The following SSBP2 variants were observed in gnomAD, a reference collection of about 807,000 sequenced individuals.
SSBP2 encodes single-stranded DNA-binding protein 2.
In SSBP2, 17 loss-of-function variants were observed where a neutral mutation model predicts 61.8. That is an observed-to-expected ratio of 0.28 (90% CI 0.19 to 0.41). The LOEUF is 0.41. Ranked by LOEUF, SSBP2 falls within the 10% of genes least tolerant of loss-of-function variation. The pLI is 1.00. For synonymous variants in SSBP2, 139 were observed against 141.3 expected (o/e 0.98, Z 0.12); for missense variants, 310 against 458.7 (o/e 0.68, Z 2.96).
intron 9 of SSBP2, among the ~76,000 whole-genome samples, chr5:81,461,822 A>T (rs1256239517): frequency 6.6e-6 from 1 of 152,166 alleles, no homozygotes; most frequent in Non-Finnish European, 1.5e-5. Context: ...GCTTCTAAGG[A>T]CACTGAGTTT....
chr5:81,461,551 A>T (rs1764543195), intron 9 of SSBP2, among the ~76,000 whole-genome samples: 1 of 151,746 alleles, frequency 6.6e-6, no homozygotes, highest in Non-Finnish European at 1.5e-5. Context: ...CTTAAGCTAT[A>T]AGCAAATAAA....
In SSBP2 at chr5:81,650,279, T is replaced by C. The variant is rs775716373; in HGVS notation, c.123A>G (p.Thr41=). 2.3e-5 allele frequency: 37 copies of C among 1,587,148 alleles called. No individual in the cohort carries two copies. Among genetic ancestry groups the C allele is most frequent in the South Asian group, 2.3e-5 (2 of 86,428 alleles). Residue 41 remains threonine (T), a synonymous_variant, in exon 2 of 17, where the codon ACA becomes ACG. Transcript: ENST00000320672. ...ATATAAAACATACCTCTGATAAAAA[T>C]GTTTGAGCTGATTTCTGAGCTCCTA...
chr5:81,591,024 C>A (rs949138060), intron 4 of SSBP2, among the ~76,000 whole-genome samples: 19 of 152,192 alleles, frequency 1.2e-4, no homozygotes, highest in African/African-American at 4.3e-4. Flanking sequence ...TGCTACCAGG[C>A]TGGTAAGCAT....
At chr5:81,645,656 A>G (rs1749178794) in intron 2 of SSBP2, among the ~76,000 whole-genome samples, 1 of 152,236 alleles carries the variant, frequency 6.6e-6, no homozygotes, top group Admixed American at 6.5e-5. Context: ...AAGTAACAAA[A>G]GTTAATGTAG....
At chr5:81,540,112 T>A (rs1771143163) in intron 4 of SSBP2, among the ~76,000 whole-genome samples, 1 of 152,154 alleles carries the variant, frequency 6.6e-6, no homozygotes, top group Non-Finnish European at 1.5e-5. Flanking sequence ...ATGGTGTATA[T>A]GTGCCACATT....
At chr5:81,620,549 A>G (rs768670578) in intron 3 of SSBP2, among the ~76,000 whole-genome samples, 1 of 94,552 alleles carries the variant, frequency 1.1e-5, no homozygotes, top group Non-Finnish European at 2.1e-5. Context: ...TTACAGATTC[A>G]ATGCCATCCC....
At chr5:81,550,913 G>A (rs771045738) in intron 4 of SSBP2, among the ~76,000 whole-genome samples, 1 of 152,002 alleles carries the variant, frequency 6.6e-6, no homozygotes, top group Non-Finnish European at 1.5e-5. Context: ...TGGGTAACAC[G>A]ATGAAACCCC....
intron 12 of SSBP2, among the ~76,000 whole-genome samples, chr5:81,444,848 C>T (rs6872789): frequency 2.6e-5 from 4 of 151,442 alleles, no homozygotes; most frequent in East Asian, 3.9e-4. Flanking sequence ...TATGGCCAGG[C>T]GAGGTGGCTC....
At chr5:81,500,970 T>C (rs1246684552) in intron 5 of SSBP2, among the ~76,000 whole-genome samples, 1 of 150,314 alleles carries the variant, frequency 6.7e-6, no homozygotes, top group African/African-American at 2.4e-5. Flanking sequence ...TCCCAGCACT[T>C]TGGGAGGCAA....
intron 1 of SSBP2, among the ~76,000 whole-genome samples, chr5:81,721,978 T>C (rs1310024096): frequency 6.6e-6 from 1 of 151,968 alleles, no homozygotes; most frequent in Non-Finnish European, 1.5e-5. Context: ...CTAAAAGTTA[T>C]GGTCTAAACA....
intron 1 of SSBP2, among the ~76,000 whole-genome samples, chr5:81,669,696 G>A (rs964118160): frequency 6.6e-6 from 1 of 151,852 alleles, no homozygotes; most frequent in Non-Finnish European, 1.5e-5. Flanking sequence ...TAGAGGACAG[G>A]TCAATATGTG....
intron 4 of SSBP2, among the ~76,000 whole-genome samples, chr5:81,601,137 A>G (rs753655208): frequency 1.3e-5 from 2 of 152,198 alleles, no homozygotes; most frequent in Non-Finnish European, 2.9e-5. Context: ...CTCAATTTGG[A>G]AAAGTCAACC....
intron 4 of SSBP2, among the ~76,000 whole-genome samples, chr5:81,611,118 T>C (rs1745399552): frequency 2.0e-5 from 3 of 152,242 alleles, no homozygotes; most frequent in Admixed American, 2.0e-4. Flanking sequence ...TCTCATAGTA[T>C]ACATTCCATC....
intron 4 of SSBP2, 34 bp from the exon 5 acceptor site, chr5:81,513,751 AT>A: frequency 6.9e-7 from 1 of 1,443,964 alleles, no homozygotes; most frequent in Non-Finnish European, 9.7e-7. Flanking sequence ...AACCTATATC[AT>A]TACAGAGAAG....
At chr5:81,524,335 G>A (rs1460298187) in intron 4 of SSBP2, among the ~76,000 whole-genome samples, 1 of 152,004 alleles carries the variant, frequency 6.6e-6, no homozygotes, top group Non-Finnish European at 1.5e-5. Context: ...CTAGGTAAGA[G>A]TCTGGCAGGC....
chr5:81,700,498 TAA>T (rs1388119767), intron 1 of SSBP2, among the ~76,000 whole-genome samples: 8 of 152,218 alleles, frequency 5.3e-5, no homozygotes, highest in African/African-American at 1.4e-4. Context: ...GGCTTCAGCT[TAA>T]AGTCACCAGC....
intron 6 of SSBP2, among the ~76,000 whole-genome samples, chr5:81,475,322 A>T (rs1321599605): frequency 6.6e-6 from 1 of 152,186 alleles, no homozygotes; most frequent in Non-Finnish European, 1.5e-5. Context: ...CATGAAAGTT[A>T]TATCTAATTA....
intron 4 of SSBP2, among the ~76,000 whole-genome samples, chr5:81,533,453 C>T (rs1183466366): frequency 6.6e-6 from 1 of 151,902 alleles, no homozygotes; most frequent in African/African-American, 2.4e-5. Context: ...CAGTCAACAT[C>T]CCTCATAAAT....
chr5:81,591,222 T>A (rs999532789), intron 4 of SSBP2, among the ~76,000 whole-genome samples: 2 of 152,118 alleles, frequency 1.3e-5, no homozygotes, highest in Non-Finnish European at 2.9e-5. Flanking sequence ...TACACTGATA[T>A]CAGAGCACAA....
Sources: allele counts gnomAD v4.1 joint callset (sites outside exome capture counted in the v4.1 genomes callset), GRCh38; gene constraint gnomAD v4.1.1; transcripts MANE v1.5; gene names NCBI Gene and HGNC (gene_info 2026-07-23, HGNC 2026-07-21).